The following TSPAN18 variants were observed in gnomAD, a reference collection of about 807,000 sequenced individuals.
TSPAN18 encodes the protein tetraspanin 18.
TSPAN18 carries 14 observed loss-of-function variants against 27.3 expected under a neutral mutation model. The observed-to-expected ratio is 0.51, with a 90% CI of 0.34 to 0.80. TSPAN18 has a LOEUF of 0.80. Ranked by LOEUF, TSPAN18 falls within the 30% of genes least tolerant of loss-of-function variation. The pLI is 0.01. For missense variants in TSPAN18, 268 were observed against 323.9 expected, an observed-to-expected ratio of 0.83 and a Z score of 1.32; for synonymous variants, 143 against 136.5, an observed-to-expected ratio of 1.05 and a Z score of -0.33.
chr11:44,914,495 A>C (rs901032146), intron 5 of TSPAN18, among the ~76,000 whole-genome samples: 1 of 152,194 alleles, frequency 6.6e-6, no homozygotes, highest in Non-Finnish European at 1.5e-5. Context: ...TGTTTGTGGG[A>C]TGCCTAAGCA....
intron 2 of TSPAN18, among the ~76,000 whole-genome samples, chr11:44,765,913 A>G (rs1372078127): frequency 6.6e-6 from 1 of 152,142 alleles, no homozygotes; most frequent in Non-Finnish European, 1.5e-5. Context: ...GGACAGTGAC[A>G]CCTACTCACA....
chr11:44,751,331 GAGAC>G (rs927966426), intron 1 of TSPAN18, among the ~76,000 whole-genome samples: 12 of 152,242 alleles, frequency 7.9e-5, no homozygotes, highest in African/African-American at 2.4e-4. Context: ...TTCTACTTGG[GAGAC>G]AGACAGGCTC....
chr11:44,776,172 C>G (rs186625078), intron 2 of TSPAN18, among the ~76,000 whole-genome samples: 9 of 152,204 alleles, frequency 5.9e-5, no homozygotes, highest in Non-Finnish European at 1.3e-4. Context: ...CCTTCACATT[C>G]GCTGTCTTCT....
intron 1 of TSPAN18, among the ~76,000 whole-genome samples, chr11:44,749,706 G>A (rs1312328949): frequency 1.4e-5 from 2 of 144,820 alleles, no homozygotes; most frequent in South Asian, 2.1e-4. Flanking sequence ...GCGCGATCTC[G>A]GCTCACTGCA....
At chr11:44,890,683 G>C (rs535409091) in intron 3 of TSPAN18, among the ~76,000 whole-genome samples, 2 of 147,876 alleles carry the variant, frequency 1.4e-5, no homozygotes, top group Non-Finnish European at 3.0e-5. Flanking sequence ...CGGAACCCAG[G>C]AGTGAGCCGA....
intron 3 of TSPAN18, among the ~76,000 whole-genome samples, chr11:44,888,901 A>G (rs889628696): frequency 6.6e-6 from 1 of 152,192 alleles, no homozygotes; most frequent in Non-Finnish European, 1.5e-5. Flanking sequence ...TGTAATCCCC[A>G]TGTGTCGAGG....
chr11:44,825,722 G>A (rs956210896), intron 2 of TSPAN18, among the ~76,000 whole-genome samples: 17 of 152,134 alleles, frequency 1.1e-4, no homozygotes, highest in Non-Finnish European at 2.2e-4. Context: ...GCGGGGGTTG[G>A]CTGGGTTTTG....
intron 2 of TSPAN18, among the ~76,000 whole-genome samples, chr11:44,857,653 C>T (rs1857771890): frequency 1.3e-5 from 2 of 152,166 alleles, no homozygotes; most frequent in South Asian, 4.1e-4. Flanking sequence ...GGCTCACAGC[C>T]CTCAGAGCTG....
At chr11:44,776,204 C>G (rs938983221) in intron 2 of TSPAN18, among the ~76,000 whole-genome samples, 1 of 152,182 alleles carries the variant, frequency 6.6e-6, no homozygotes, top group African/African-American at 2.4e-5. Context: ...CCCAGCCACC[C>G]TGGGCCGGGA....
intron 3 of TSPAN18, among the ~76,000 whole-genome samples, chr11:44,874,946 C>T (rs774351058): frequency 1.3e-5 from 2 of 152,220 alleles, no homozygotes; most frequent in African/African-American, 2.4e-5. Flanking sequence ...CCGCAGCCCA[C>T]AGACCCATTT....
intron 2 of TSPAN18, among the ~76,000 whole-genome samples, chr11:44,823,468 T>G (rs1856971619): frequency 6.6e-6 from 1 of 151,456 alleles, no homozygotes; most frequent in Non-Finnish European, 1.5e-5. Context: ...GGTGAGTGCA[T>G]GCCAATTGAT....
chr11:44,801,797 C>T (rs560625278), intron 2 of TSPAN18, among the ~76,000 whole-genome samples: 80 of 152,208 alleles, frequency 5.3e-4, no homozygotes, highest in African/African-American at 1.9e-3. Context: ...TTTGGGACTC[C>T]GAGGTGGGAG....
In TSPAN18 at chr11:44,742,958, T is replaced by A. The variant is rs565389654; in HGVS notation, c.-240+15671T>A. On this transcript the variant is annotated intron_variant, in intron 1 of 9. Transcript: ENST00000520358. Reference sequence around the variant, plus strand: ...GGACAGCTTCATGGGGGGGCTGGCATCTGCTCTCATACTCCTGGATGCTGC... The same window carrying A: ...GGACAGCTTCATGGGGGGGCTGGCAACTGCTCTCATACTCCTGGATGCTGC... 2.0e-5 allele frequency among the ~76,000 whole-genome samples: 3 copies of A among 152,302 alleles called. No homozygotes were observed. In the South Asian group the frequency reaches 6.2e-4, roughly 32 times the overall value.
At chr11:44,819,133 C>T (rs56318887) in intron 2 of TSPAN18, among the ~76,000 whole-genome samples, 27,366 of 152,186 alleles carry the variant, frequency 0.18, 3,234 homozygotes, top group Non-Finnish European at 0.26. Context: ...CTGCTCTGAG[C>T]CCCCTTCTGT....
At chr11:44,777,363 G>A (rs1839362761) in intron 2 of TSPAN18, among the ~76,000 whole-genome samples, 1 of 152,168 alleles carries the variant, frequency 6.6e-6, no homozygotes, top group Non-Finnish European at 1.5e-5. Context: ...TGGCCTCTGG[G>A]CTGCTGGCTC....
At chr11:44,806,696 T>TG (rs1225160800) in intron 2 of TSPAN18, among the ~76,000 whole-genome samples, 1 of 152,234 alleles carries the variant, frequency 6.6e-6, no homozygotes, top group Non-Finnish European at 1.5e-5. Context: ...TAACTCATCT[T>TG]GGGGCTGAAA....
intron 2 of TSPAN18, among the ~76,000 whole-genome samples, chr11:44,858,809 C>G (rs1471945008): frequency 3.3e-5 from 5 of 152,168 alleles, no homozygotes; most frequent in African/African-American, 1.2e-4. Context: ...AAGCAGGAAC[C>G]ATGGGCGACC....
intron 9 of TSPAN18, 114 bp downstream of exon 9, chr11:44,926,871 C>T: frequency 2.5e-6 from 3 of 1,186,738 alleles, no homozygotes; most frequent in Admixed American, 1.8e-5. Context: ...ACCCAAGGGG[C>T]CCCCACTGTG....
intron 2 of TSPAN18, among the ~76,000 whole-genome samples, chr11:44,764,979 A>G (rs1326110924): frequency 5.3e-5 from 8 of 152,174 alleles, no homozygotes; most frequent in Non-Finnish European, 7.4e-5. Flanking sequence ...ACTAGGATCA[A>G]TCACCACATT....
Sources: gnomAD v4.1 joint callset for allele counts (sites outside exome capture counted in the v4.1 genomes callset) on GRCh38, gnomAD v4.1.1 for gene constraint, MANE v1.5 for transcripts, NCBI Gene and HGNC (gene_info 2026-07-23, HGNC 2026-07-21) for gene names.